The following XYLB variants were observed in gnomAD, a reference collection of about 807,000 sequenced individuals.
XYLB encodes the protein xylulokinase, also known as xylulose kinase.
Under a neutral mutation model 78.7 loss-of-function variants are expected in XYLB, and 62 were observed. The ratio of observed to expected loss-of-function variants is 0.79; its 90% CI spans 0.64 to 0.97. The LOEUF (loss-of-function observed/expected upper bound fraction) is 0.97, where lower values mean the gene tolerates loss of function less well. XYLB is among the 50% of genes least tolerant of loss of function. XYLB has a pLI of 0.00. For missense variants in XYLB, 687 were observed against 676.8 expected (o/e 1.02, Z -0.17); for synonymous variants, 245 against 247.4 (o/e 0.99, Z 0.09).
chr3:38,405,797 G>C (rs1708295972), intron 18 of XYLB, among the ~76,000 whole-genome samples: 1 of 152,232 alleles, frequency 6.6e-6, no homozygotes, highest in Non-Finnish European at 1.5e-5. Context: ...ACAGCAGTCT[G>C]AGATCAAACT....
At chr3:38,363,668 G>A (rs1220228263) in intron 4 of XYLB, among the ~76,000 whole-genome samples, 2 of 152,176 alleles carry the variant, frequency 1.3e-5, no homozygotes, top group Admixed American at 6.5e-5. Context: ...GGGTCATTGT[G>A]AGTGTAAGTA....
chr3:38,387,907 A>G (rs1707456433), intron 15 of XYLB, among the ~76,000 whole-genome samples: 1 of 152,072 alleles, frequency 6.6e-6, no homozygotes, highest in African/African-American at 2.4e-5. Context: ...TAAAGCTCCT[A>G]TCTGCTAATT....
At chr3:38,394,551 A>T (rs1004477640) in intron 15 of XYLB, among the ~76,000 whole-genome samples, 1 of 152,330 alleles carries the variant, frequency 6.6e-6, no homozygotes, top group Non-Finnish European at 1.5e-5. Flanking sequence ...GGTAGATCTA[A>T]TACTGTGTTA....
At chr3:38,392,290 A>G (rs1034463763) in intron 15 of XYLB, among the ~76,000 whole-genome samples, 1 of 152,036 alleles carries the variant, frequency 6.6e-6, no homozygotes, top group Non-Finnish European at 1.5e-5. Context: ...TTCTTAATTA[A>G]CGATGATTTT....
At chr3:38,349,160 G>T (rs994182419) in intron 2 of XYLB, among the ~76,000 whole-genome samples, 5 of 152,242 alleles carry the variant, frequency 3.3e-5, no homozygotes, top group African/African-American at 1.2e-4. Flanking sequence ...GGTGATGGAA[G>T]AGCATTCCAG....
the XYLB span, among the ~76,000 whole-genome samples, chr3:38,428,404 C>G: frequency 6.6e-6 from 1 of 152,210 alleles, no homozygotes; most frequent in African/African-American, 2.4e-5. Flanking sequence ...ATACCAATTA[C>G]TGAGAGAGAA....
the XYLB span, among the ~76,000 whole-genome samples, chr3:38,431,462 G>T: frequency 6.6e-6 from 1 of 152,270 alleles, no homozygotes; most frequent in East Asian, 1.9e-4. Context: ...TGAGACGATG[G>T]GGTTTTCTAA....
chr3:38,438,961 T>G, the XYLB span, among the ~76,000 whole-genome samples: 1 of 152,166 alleles, frequency 6.6e-6, no homozygotes, highest in African/African-American at 2.4e-5. Context: ...TTTACAAACC[T>G]CTAGGTAGCC....
At chr3:38,433,761 A>G in the XYLB span, among the ~76,000 whole-genome samples, 1 of 152,214 alleles carries the variant, frequency 6.6e-6, no homozygotes, top group Non-Finnish European at 1.5e-5. Flanking sequence ...AAAAGTCTCT[A>G]GGAAGTTCCA....
chr3:38,439,487 A>G, the XYLB span, among the ~76,000 whole-genome samples: 1 of 152,184 alleles, frequency 6.6e-6, no homozygotes, highest in Non-Finnish European at 1.5e-5. Context: ...AGGCGGCCAG[A>G]CGCAGTGGCT....
At chr3:38,365,354 C>T in intron 5 of XYLB, 69 bp downstream of exon 5, 1 of 1,526,946 alleles carries the variant, frequency 6.5e-7, no homozygotes, top group Non-Finnish European at 9.1e-7. Flanking sequence ...GGTCCTGAAG[C>T]CTGCTCATCT....
intron 13 of XYLB, among the ~76,000 whole-genome samples, 194 bp downstream of exon 13, chr3:38,376,426 G>C (rs547037238): frequency 4.6e-5 from 7 of 152,202 alleles, no homozygotes; most frequent in Admixed American, 4.6e-4. Context: ...GGGTGGGGCT[G>C]TAAGGCTGTC....
downstream of XYLB, among the ~76,000 whole-genome samples, chr3:38,419,644 GTTT>G (rs1408062110): frequency 1.5e-5 from 2 of 129,974 alleles, no homozygotes; most frequent in Non-Finnish European, 3.3e-5. Context: ...TTTCATTGTG[GTTT>G]TTATTTGTGT....
At chr3:38,356,455 C>G (rs1487344203) in intron 2 of XYLB, 1 of 152,214 alleles carries the variant, frequency 6.6e-6, no homozygotes, top group Admixed American at 6.5e-5. Context: ...TATAGTCCCC[C>G]TCCTGCCAGT....
intron 2 of XYLB, among the ~76,000 whole-genome samples, chr3:38,355,336 A>T (rs1052343627): frequency 2.0e-5 from 3 of 152,242 alleles, no homozygotes; most frequent in Non-Finnish European, 4.4e-5. Context: ...AGCTACCGTT[A>T]ACTGACTGCA....
intron 18 of XYLB, among the ~76,000 whole-genome samples, chr3:38,402,325 A>G (rs981168891): frequency 1.3e-5 from 2 of 152,168 alleles, no homozygotes; most frequent in Non-Finnish European, 2.9e-5. Context: ...TTATGTCTCT[A>G]TACTTTACAA....
intron 18 of XYLB, among the ~76,000 whole-genome samples, chr3:38,406,677 GA>G (rs1267903295): frequency 6.6e-6 from 1 of 152,198 alleles, no homozygotes; most frequent in African/African-American, 2.4e-5. Context: ...CCAATACAGA[GA>G]AGTGCTTAAA....
the XYLB span, among the ~76,000 whole-genome samples, chr3:38,429,798 C>T: frequency 1.3e-5 from 2 of 152,134 alleles, no homozygotes; most frequent in Non-Finnish European, 2.9e-5. Flanking sequence ...TGAGTGAGAA[C>T]ATGTGGTGTT....
chr3:38,379,277 G>C lies in XYLB; in HGVS notation c.1226G>C (p.Arg409Pro). 6.2e-7 allele frequency: 1 copy of C among 1,614,102 alleles called. No homozygotes were observed. Among genetic ancestry groups the C allele is most frequent in the Non-Finnish European group, 8.5e-7 (1 of 1,180,040 alleles). Residue 409 changes from arginine to proline, a missense_variant, in exon 15 of 19, where the codon CGA becomes CCA. By Grantham distance (103) the Arg-to-Pro change is moderately radical. Coordinates refer to ENST00000207870, the MANE Select transcript of XYLB (RefSeq NM_005108.4). The part of the protein sequence containing the change: ...VAAFPGDVEV[R>P]ALIEGQFMAK... ...GCATTCCCTGGGGATGTGGAGGTTC[G>C]AGCACTAATTGAAGGACAATTCATG...
Sources: allele counts gnomAD v4.1 joint callset (sites outside exome capture counted in the v4.1 genomes callset), GRCh38; gene constraint gnomAD v4.1.1; transcripts MANE v1.5; gene names NCBI Gene and HGNC (gene_info 2026-07-23, HGNC 2026-07-21).